CACNA1A: variants seen among roughly 807,000 people sequenced by gnomAD.
CACNA1A encodes calcium voltage-gated channel subunit alpha1 A.
In CACNA1A, 57 loss-of-function variants were observed where a neutral mutation model predicts 262.4. The observed-to-expected ratio is 0.22, with a 90% CI of 0.18 to 0.27. The LOEUF is 0.27. Ranked by LOEUF, CACNA1A falls within the 10% of genes least tolerant of loss-of-function variation. CACNA1A has a pLI of 1.00. For synonymous variants in CACNA1A, 1,431 were observed against 1,419.3 expected, an observed-to-expected ratio of 1.01 and a Z score of -0.18; for missense variants, 2,526 against 3,562.8, an observed-to-expected ratio of 0.71 and a Z score of 7.41.
chr19:13,248,600 T>C (rs2056314621), intron 30 of CACNA1A, among the ~76,000 whole-genome samples: 1 of 151,878 alleles, frequency 6.6e-6, no homozygotes, highest in Non-Finnish European at 1.5e-5. Flanking sequence ...CCCAGCACTT[T>C]GGGAGGCCGA....
At chr19:13,320,601 C>T (rs923132014) in intron 10 of CACNA1A, among the ~76,000 whole-genome samples, 2 of 152,176 alleles carry the variant, frequency 1.3e-5, no homozygotes, top group African/African-American at 4.8e-5. Context: ...GACAGGCATA[C>T]CCTTCACTGG....
intron 6 of CACNA1A, among the ~76,000 whole-genome samples, chr19:13,350,466 C>G (rs559539439): frequency 6.6e-6 from 1 of 152,180 alleles, no homozygotes; most frequent in African/African-American, 2.4e-5. Context: ...ATAATTACCC[C>G]TTTACTTCCT....
intron 3 of CACNA1A, among the ~76,000 whole-genome samples, chr19:13,430,269 T>C (rs1316734890): frequency 3.9e-5 from 6 of 152,118 alleles, no homozygotes; most frequent in Admixed American, 1.3e-4. Flanking sequence ...TGCAATGGCA[T>C]GATCTCAGCT....
chr19:13,290,858 A>G (rs1274263543), intron 19 of CACNA1A, among the ~76,000 whole-genome samples: 3 of 152,182 alleles, frequency 2.0e-5, no homozygotes, highest in Non-Finnish European at 4.4e-5. Context: ...CCAGCTCAAG[A>G]AGCCATGGAG....
intron 3 of CACNA1A, among the ~76,000 whole-genome samples, chr19:13,408,717 A>G (rs776703208): frequency 6.6e-5 from 10 of 152,186 alleles, no homozygotes; most frequent in Non-Finnish European, 1.2e-4. Context: ...TTCTTCCCAT[A>G]AGCTCATGGC....
At chr19:13,455,303 A>G in intron 1 of CACNA1A, 91 bp from the exon 2 acceptor site, 2 of 743,990 alleles carry the variant, frequency 2.7e-6, no homozygotes, top group Admixed American at 3.6e-5. Context: ...AAAGATCTCA[A>G]GCCCTCTAGA....
At chr19:13,402,258 C>T (rs1476373241) in intron 3 of CACNA1A, among the ~76,000 whole-genome samples, 2 of 152,162 alleles carry the variant, frequency 1.3e-5, no homozygotes, top group Non-Finnish European at 2.9e-5. Flanking sequence ...GTTCCCTAGG[C>T]CAGGATCTTA....
chr19:13,332,713 G>A (rs1279594778), intron 9 of CACNA1A, among the ~76,000 whole-genome samples, 156 bp downstream of exon 9: 1 of 152,046 alleles, frequency 6.6e-6, no homozygotes, highest in African/African-American at 2.4e-5. Flanking sequence ...GGCCAGAATA[G>A]GGAAACTCTG....
At chr19:13,230,810 GAAAA>G (rs796204286) in intron 35 of CACNA1A, among the ~76,000 whole-genome samples, 4 of 123,420 alleles carry the variant, frequency 3.2e-5, no homozygotes, top group Non-Finnish European at 5.3e-5. Context: ...CCATTTCAAA[GAAAA>G]AAAAAAAAGA....
chr19:13,455,581 A>C (rs1467887303), intron 1 of CACNA1A, among the ~76,000 whole-genome samples: 16 of 152,208 alleles, frequency 1.1e-4, no homozygotes, highest in Non-Finnish European at 1.5e-5. Flanking sequence ...AAATGAGATG[A>C]CTACATCATG....
intron 10 of CACNA1A, among the ~76,000 whole-genome samples, chr19:13,325,610 T>C (rs1600335449): frequency 6.6e-6 from 1 of 152,216 alleles, no homozygotes; most frequent in East Asian, 1.9e-4. Flanking sequence ...GATTTTTGTA[T>C]ATTTATTAGA....
intron 3 of CACNA1A, among the ~76,000 whole-genome samples, chr19:13,424,964 C>T (rs1278854834): frequency 6.6e-6 from 1 of 151,890 alleles, no homozygotes; most frequent in Non-Finnish European, 1.5e-5. Context: ...ACCACCACAC[C>T]CAGCTAATTT....
At chr19:13,395,633 AAG>A (rs1491014156) in intron 3 of CACNA1A, among the ~76,000 whole-genome samples, 1 of 151,978 alleles carries the variant, frequency 6.6e-6, no homozygotes, top group African/African-American at 2.4e-5. Context: ...AAAAAAAAAA[AAG>A]AAATTATCTA....
intron 1 of CACNA1A, among the ~76,000 whole-genome samples, chr19:13,475,218 T>A (rs572831306): frequency 1.3e-5 from 2 of 152,308 alleles, no homozygotes; most frequent in East Asian, 3.9e-4. Flanking sequence ...TAATGAGGTA[T>A]ACAGTCAGCC....
At chr19:13,276,643 C>T (rs2057154714) in intron 23 of CACNA1A, among the ~76,000 whole-genome samples, 1 of 151,908 alleles carries the variant, frequency 6.6e-6, no homozygotes, top group African/African-American at 2.4e-5. Flanking sequence ...CTGGGAGACT[C>T]ATCCTCTCAA....
intron 24 of CACNA1A, among the ~76,000 whole-genome samples, chr19:13,270,440 C>A (rs1268906958): frequency 9.2e-5 from 14 of 151,700 alleles, no homozygotes; most frequent in Admixed American, 9.2e-4. Flanking sequence ...GAGTTCAGCG[C>A]TCAGGCTGAG....
chr19:13,231,916 G>A (rs2055678358), intron 34 of CACNA1A, 56 bp from the exon 35 acceptor site: 3 of 1,557,878 alleles, frequency 1.9e-6, no homozygotes, highest in Admixed American at 3.6e-5. Context: ...GGGTACCAAC[G>A]CCTCCCCAGG....
chr19:13,251,986 G>A (rs947992806), intron 30 of CACNA1A, among the ~76,000 whole-genome samples: 8 of 151,962 alleles, frequency 5.3e-5, no homozygotes, highest in Non-Finnish European at 1.0e-4. Flanking sequence ...GGGTGGTCTC[G>A]AACTCCTAGG....
At chr19:13,446,481 A>T (rs2144905480) in intron 3 of CACNA1A, among the ~76,000 whole-genome samples, 1 of 133,300 alleles carries the variant, frequency 7.5e-6, no homozygotes. Context: ...TCACTCTGTC[A>T]TCCAGGATGG....
Sources: gnomAD v4.1 joint callset for allele counts (sites outside exome capture counted in the v4.1 genomes callset) on GRCh38, gnomAD v4.1.1 for gene constraint, MANE v1.5 for transcripts, NCBI Gene and HGNC (gene_info 2026-07-23, HGNC 2026-07-21) for gene names.